The following DSC3 variants were observed in gnomAD, a reference collection of about 807,000 sequenced individuals.
DSC3 encodes the protein desmocollin 3, also known as desmocollin-3.
DSC3 carries 97 observed loss-of-function variants against 89.5 expected under a neutral mutation model. The ratio of observed to expected loss-of-function variants is 1.08; its 90% CI spans 0.92 to 1.28. The LOEUF is 1.28. Among genes scored for constraint, DSC3 ranks in the 50% most tolerant of loss-of-function variants. The pLI is 0.00. For missense variants in DSC3, 1,199 were observed against 1,085.3 expected (o/e 1.10, Z -1.47); for synonymous variants, 436 against 384.1 (o/e 1.14, Z -1.58).
At chr18:31,032,601 T>C (rs1030978056) in intron 1 of DSC3, among the ~76,000 whole-genome samples, 4 of 143,736 alleles carry the variant, frequency 2.8e-5, no homozygotes, top group Non-Finnish European at 3.0e-5. Flanking sequence ...CGTGTGCGTG[T>C]GCGTGTGCGT....
At chr18:31,002,476 G>A (rs1984695773) in intron 13 of DSC3, among the ~76,000 whole-genome samples, 1 of 152,038 alleles carries the variant, frequency 6.6e-6, no homozygotes, top group African/African-American at 2.4e-5. Flanking sequence ...TGAGGCGGGT[G>A]GATCACCTGA....
rs764183340 is a variant in DSC3, at chr18:31,018,721, C to G, written c.1022G>C (p.Cys341Ser). 8.7e-6 allele frequency: 14 copies of G among 1,613,616 alleles called. No homozygotes were observed. In the South Asian group the frequency reaches 1.4e-4, roughly 16 times the overall value. The stretch of plus-strand genomic sequence containing the variant: ...ATTTGAATCTGTTACTGTTATGATA[C>G]AAGTTGATGTGCCTATCAATCCAAA... The part of the protein sequence containing the change: ...QFFGLIGTST[C>S]IITVTDSNDN... Residue 341 changes from cysteine (C) to serine (S), a missense_variant, in exon 8 of 16, where the codon TGT becomes TCT. Transcript: ENST00000360428.
chr18:30,992,026 G>T lies in DSC3; in HGVS notation c.*2149C>A, dbSNP rs1041506814. The T allele has an allele frequency of 2.6e-5, 4 of 152,066 alleles. No individual in the cohort carries two copies. Among genetic ancestry groups the T allele is most frequent in the African/African-American group, 4.8e-5 (2 of 41,486 alleles). The allele number at this position is 152,066 out of a possible 1,614,324, so 9.4% of individuals were successfully genotyped here. ...TAAAAATACAAAAAATTAGCCGGGC[G>T]TGGTGGTGGGCGCCTGTAGTCCCAG... On this transcript the variant is annotated 3_prime_UTR_variant, in exon 16 of 16. Transcript: ENST00000360428.
intron 12 of DSC3, among the ~76,000 whole-genome samples, chr18:31,006,018 T>C (rs942888767): frequency 2.0e-5 from 3 of 152,170 alleles, no homozygotes; most frequent in Non-Finnish European, 4.4e-5. Context: ...TATGTAGATA[T>C]GGCTATATAC....
intron 15 of DSC3, among the ~76,000 whole-genome samples, chr18:30,994,752 AG>A (rs1233298066): frequency 6.6e-6 from 1 of 152,194 alleles, no homozygotes; most frequent in Non-Finnish European, 1.5e-5. Context: ...TGTGAGTCAA[AG>A]CTCTGGCTTT....
rs1459535428 is a variant in DSC3, at chr18:30,994,359, C to T, written c.2507G>A (p.Cys836Tyr). The stretch of plus-strand genomic sequence containing the variant: ...TGGCATGCGGTCTTCATTCTGATTA[C>T]ATCGATGCAATTTCTGTAAAATTTT... ...QPRLGEKLHRCNQNEDRMPSQ... is the reference protein window; with the variant it reads ...QPRLGEKLHRYNQNEDRMPSQ... Residue 836 changes from cysteine to tyrosine, a missense_variant, in exon 16 of 16, where the codon TGT becomes TAT. By Grantham distance (194) the Cys-to-Tyr change is radical. Transcript: ENST00000360428. 2.5e-6 allele frequency: 4 copies of T among 1,613,692 alleles called. No individual in the cohort carries two copies. The South Asian group carries it at 3.3e-5, about 13-fold the overall frequency.
chr18:31,036,559 C>A (rs1339143122), intron 1 of DSC3, among the ~76,000 whole-genome samples: 1 of 151,816 alleles, frequency 6.6e-6, no homozygotes, highest in African/African-American at 2.4e-5. Context: ...CCCCATTGCT[C>A]AATCTTTTTT....
chr18:31,006,449 GC>G (rs1984845046), intron 12 of DSC3, among the ~76,000 whole-genome samples: 1 of 151,954 alleles, frequency 6.6e-6, no homozygotes, highest in Non-Finnish European at 1.5e-5. Context: ...ACAGGTGCCT[GC>G]CACCACGCCC....
rs1984158909 is a variant in DSC3 at position 30,989,416 on chromosome 18, C to T, written c.*4759G>A. On this transcript the variant is annotated 3_prime_UTR_variant, in exon 16 of 16. Transcript: ENST00000360428. ...TCCAGAGTAGGCAAATCCATAGAGA[C>T]AGAAAAGATATCAGTGGTTGCCAGG... Among the ~76,000 whole-genome samples, 1 of 152,002 alleles carries T rather than the reference C, an allele frequency of 6.6e-6. No individual in the cohort carries two copies. Among genetic ancestry groups the T allele is most frequent in the Non-Finnish European group, 1.5e-5 (1 of 68,008 alleles).
rs1255464346 is a variant in DSC3, at chr18:30,992,646, C to CAGTCAGTATTTGT, written c.*1528_*1529insACAAATACTGACT. 1 of 152,294 alleles carries CAGTCAGTATTTGT rather than the reference C, an allele frequency of 6.6e-6. No homozygotes were observed. The highest frequency in any genetic ancestry group is 6.5e-5 in the Admixed American group (1 of 15,290). 9.4% of individuals were successfully genotyped at this position (152,294 alleles called of 1,614,324 possible). A position where few individuals can be genotyped will look rare whatever the true frequency, so the allele number is the denominator to read the frequency against. On this transcript the variant is annotated 3_prime_UTR_variant, in exon 16 of 16. Coordinates refer to ENST00000360428, the MANE Select transcript of DSC3 (RefSeq NM_001941.5). ...ATCTTCCTGTTGCCCTCTGACTGTACAAATAACCTACTTGGGCTGCTTTCT... is the reference window on the plus strand; with the variant it reads ...ATCTTCCTGTTGCCCTCTGACTGTACAGTCAGTATTTGTAAATAACCTACTTGGGCTGCTTTCT...
At position 31,025,929 on chromosome 18, in the gene DSC3, A is replaced by T. The variant is rs771232433; in HGVS notation, c.475-14T>A. On this transcript the variant is annotated splice_polypyrimidine_tract_variant and intron_variant, in intron 4 of 15. Coordinates refer to ENST00000360428, the MANE Select transcript of DSC3 (RefSeq NM_001941.5). ...ATCAGATTCAACCTAAAAGTAGAAA[A>T]AAAATATGCAAAAAAATTAAAACTA... 6.2e-7 allele frequency: 1 copy of T among 1,607,168 alleles called. No homozygotes were observed.
Position 31,031,018 on chromosome 18 carries a change from T to G in DSC3, c.309A>C (p.Lys103Asn). 1.2e-6 allele frequency: 2 copies of G among 1,614,110 alleles called. No homozygotes were observed. The highest frequency in any genetic ancestry group is 2.2e-5 in the South Asian group (2 of 91,086). Residue 103 changes from lysine (K) to asparagine (N), a missense_variant, in exon 3 of 16, where the codon AAA becomes AAC. Physicochemically the swap from Lys to Asn is moderately conservative, Grantham distance 94. Coordinates refer to ENST00000360428, the MANE Select transcript of DSC3 (RefSeq NM_001941.5). ...SFTIWLSDKR[K>N]QTQKEVTVLL... Reference sequence around the variant, plus strand: ...GCACAGTAACCTCTTTCTGTGTCTGTTTCCTTTTGTCAGAAAGCCATATGG... The same window carrying G: ...GCACAGTAACCTCTTTCTGTGTCTGGTTCCTTTTGTCAGAAAGCCATATGG...
rs1017267833 is a variant in DSC3 at position 31,042,634 on chromosome 18, G to T, written c.27C>A (p.Ser9=). The part of the protein sequence containing the change: MAAAGPRR[S]VRGAVCLHLL... ...GATGCAGGCAGACGGCTCCGCGCACGGAGCGCCGGGGCCCAGCGGCGGCCA... is the reference window on the plus strand; with the variant it reads ...GATGCAGGCAGACGGCTCCGCGCACTGAGCGCCGGGGCCCAGCGGCGGCCA... Residue 9 remains serine (S), a synonymous_variant, in exon 1 of 16, where the codon TCC becomes TCA. Coordinates refer to ENST00000360428, the MANE Select transcript of DSC3 (RefSeq NM_001941.5). 9.7e-6 allele frequency: 15 copies of T among 1,549,994 alleles called. No homozygotes were observed. Among genetic ancestry groups the T allele is most frequent in the East Asian group, 4.9e-5 (2 of 40,898 alleles).
rs1984485179 is a variant in DSC3, at chr18:30,996,842, G to A, written c.2442C>T (p.Cys814=). Residue 814 remains cysteine, a synonymous_variant, in exon 15 of 16, where the codon TGC becomes TGT. Coordinates refer to ENST00000360428, the MANE Select transcript of DSC3 (RefSeq NM_001941.5). ...CRGGHTEVDN[C]RYTYSEWHSF... ...TGTGCCACTCCGAGTAAGTGTATCT[G>A]CAGTTGTCCACCTCCGTGTGTCCTC... 1.2e-6 allele frequency: 2 copies of A among 1,613,490 alleles called. No individual in the cohort carries two copies. The highest frequency in any genetic ancestry group is 1.7e-6 in the Non-Finnish European group (2 of 1,179,986).
chr18:30,996,004 A>AAAAAAAAAAAAAAAAAAAAAAG (rs1380162048), intron 15 of DSC3, among the ~76,000 whole-genome samples: 3 of 143,656 alleles, frequency 2.1e-5, no homozygotes, highest in African/African-American at 8.5e-5. Flanking sequence ...AAAAAAGAAA[A>AAAAAAAAAAAAAAAAAAAAAAG]GAAAGAAAAA....
chr18:31,007,053 T>G lies in DSC3; in HGVS notation c.1742A>C (p.Tyr581Ser), dbSNP rs1326093654. The change falls in exon 12 of 16, where the codon TAT becomes TCT. Residue 581 changes from tyrosine to serine, a missense_variant. Tyr to Ser is a moderately radical substitution (Grantham distance 144, BLOSUM62 -2). Coordinates refer to ENST00000360428, the MANE Select transcript of DSC3 (RefSeq NM_001941.5). ...NDNPPEILQE[Y>S]VVICKPKMGY... ...CATTTTTGGTTTGCAAATGACTACA[T>G]ATTCTTGAAGTATTTCTGGTGGATT... The G allele has an allele frequency of 3.1e-6, 5 of 1,613,796 alleles. No homozygotes were observed. In the African/African-American group the frequency reaches 6.7e-5, roughly 22 times the overall value.
At chr18:31,003,728 A>G (rs1984741614) in intron 13 of DSC3, among the ~76,000 whole-genome samples, 1 of 152,216 alleles carries the variant, frequency 6.6e-6, no homozygotes, top group Non-Finnish European at 1.5e-5. Context: ...ATACCCAAGA[A>G]GAGACATTGC....
intron 1 of DSC3, among the ~76,000 whole-genome samples, chr18:31,037,863 A>G (rs1459243225): frequency 6.6e-6 from 1 of 151,742 alleles, no homozygotes; most frequent in South Asian, 2.1e-4. Flanking sequence ...TCCAGCCTGC[A>G]CTCCAGCCTG....
chr18:31,007,948 G>T, intron 11 of DSC3, 68 bp downstream of exon 11: 1 of 1,387,464 alleles, frequency 7.2e-7, no homozygotes, highest in Non-Finnish European at 1.0e-6. Context: ...AAATAAATCT[G>T]CATAAGAATA....
Sources: allele counts gnomAD v4.1 joint callset (sites outside exome capture counted in the v4.1 genomes callset), GRCh38; gene constraint gnomAD v4.1.1; transcripts MANE v1.5; gene names NCBI Gene and HGNC (gene_info 2026-07-23, HGNC 2026-07-21).